Variants in TMEM132D observed in about 807,000 individuals in gnomAD.
TMEM132D encodes transmembrane protein 132D, also known as mature OL transmembrane protein.
In TMEM132D, 21 loss-of-function variants were observed where a neutral mutation model predicts 62.3. The ratio of observed to expected loss-of-function variants is 0.34; its 90% confidence interval spans 0.24 to 0.49. TMEM132D has a LOEUF of 0.49. Among genes scored for constraint, TMEM132D ranks in the 20% least tolerant of loss-of-function variants. The pLI is 0.99. For synonymous variants in TMEM132D, 621 were observed against 575.6 expected (o/e 1.08, Z -1.13); for missense variants, 1,346 against 1,402.8 (o/e 0.96, Z 0.65).
chr12:129,137,044 T>C (rs1355313096), intron 5 of TMEM132D, among the ~76,000 whole-genome samples: 1 of 145,626 alleles, frequency 6.9e-6, no homozygotes, highest in Non-Finnish European at 1.5e-5. Flanking sequence ...AACACCATCA[T>C]CCCATCATCG....
chr12:129,141,530 TC>T (rs1876740810), intron 5 of TMEM132D, among the ~76,000 whole-genome samples: 1 of 152,180 alleles, frequency 6.6e-6, no homozygotes, highest in Non-Finnish European at 1.5e-5. Context: ...CCAGGAAGGT[TC>T]CTTGGGGGAG....
At chr12:129,216,469 A>G (rs542210465) in intron 4 of TMEM132D, among the ~76,000 whole-genome samples, 32 of 152,348 alleles carry the variant, frequency 2.1e-4, no homozygotes, top group South Asian at 6.2e-4. Context: ...AGGATGGCAC[A>G]GGAAGATGGA....
rs143101059 is a variant in TMEM132D, at chr12:129,241,367, C to T, written c.1300-31704G>A. Among the ~76,000 whole-genome samples the T allele has an allele frequency of 2.4e-4, 37 of 152,208 alleles. 1 individual carries two copies. The highest frequency in any genetic ancestry group is 7.9e-4 in the African/African-American group (33 of 41,526). ...GGAACGGCAAAATTCTTCCATGAGA[C>T]CCTGAATGACACATATGTTTCGCTC... On this transcript the variant is annotated intron_variant, in intron 4 of 8. Coordinates refer to ENST00000422113, the MANE Select transcript of TMEM132D (RefSeq NM_133448.3).
chr12:129,874,941 T>C (rs1249594904), intron 1 of TMEM132D, among the ~76,000 whole-genome samples: 3 of 152,184 alleles, frequency 2.0e-5, no homozygotes, highest in Non-Finnish European at 4.4e-5. Flanking sequence ...CCTCCCAAAG[T>C]GCTGGGATTA....
In TMEM132D at chr12:129,089,444, GGGGTGTCCTCTATGACC is replaced by G. The variant is rs1565960491; in HGVS notation, c.1444-4759_1444-4743del. ...CATGACCGGGGTGTCCTCCATGACC[GGGGTGTCCTCTATGACC>G]GGGTGTCCTCCATGACCGGGTGTCC... is the stretch of plus-strand genomic sequence containing the variant. On this transcript the variant is annotated intron_variant, in intron 5 of 8. Coordinates refer to ENST00000422113, the MANE Select transcript of TMEM132D (RefSeq NM_133448.3). Among the ~76,000 whole-genome samples the G allele has an allele frequency of 2.3e-3, 135 of 57,688 alleles. 37 individuals are homozygous for G. Among genetic ancestry groups the G allele is most frequent in the African/African-American group, 0.011 (113 of 9,916 alleles). 37.8% of individuals were successfully genotyped at this position (57,688 alleles called of 152,430 possible). A position where few individuals can be genotyped will look rare whatever the true frequency, so the allele number is the denominator to read the frequency against.
chr12:129,590,340 C>T lies in TMEM132D; in HGVS notation c.969-59135G>A, dbSNP rs184816615. ...ACACCGCCACGGCTGGAACAGATCGCTGCAGCAGGCTTGCCTCCACCAAGT... is the reference window on the plus strand; with the variant it reads ...ACACCGCCACGGCTGGAACAGATCGTTGCAGCAGGCTTGCCTCCACCAAGT... On this transcript the variant is annotated intron_variant, in intron 2 of 8. Transcript: ENST00000422113. Among the ~76,000 whole-genome samples, 647 of 152,364 alleles carry T rather than the reference C, an allele frequency of 4.2e-3. 5 individuals carry two copies. The highest frequency in any genetic ancestry group is 6.5e-3 in the Non-Finnish European group (444 of 68,034).
At chr12:129,699,721 C>T (rs1356094729) in intron 2 of TMEM132D, 89 bp downstream of exon 2, 15 of 1,516,580 alleles carry the variant, frequency 9.9e-6, no homozygotes, top group African/African-American at 9.6e-5. Context: ...CTTCGGTGAG[C>T]GATAACACAG....
intron 2 of TMEM132D, among the ~76,000 whole-genome samples, chr12:129,584,486 C>T (rs929936116): frequency 2.0e-5 from 3 of 152,180 alleles, no homozygotes; most frequent in Non-Finnish European, 2.9e-5. Context: ...GGAGTTACTC[C>T]CCCTCCCTTT....
intron 2 of TMEM132D, among the ~76,000 whole-genome samples, chr12:129,615,061 T>C (rs1878877623): frequency 6.6e-6 from 1 of 152,174 alleles, no homozygotes; most frequent in African/African-American, 2.4e-5. Flanking sequence ...CAATGTTACC[T>C]AACAGCGTAT....
intron 4 of TMEM132D, among the ~76,000 whole-genome samples, chr12:129,260,125 G>T (rs528962012): frequency 1.3e-5 from 2 of 152,270 alleles, no homozygotes; most frequent in East Asian, 3.9e-4. Context: ...TACCACAGAG[G>T]CTTGGGACAC....
intron 3 of TMEM132D, among the ~76,000 whole-genome samples, chr12:129,444,187 G>T (rs931862571): frequency 7.2e-5 from 11 of 152,252 alleles, no homozygotes; most frequent in African/African-American, 2.6e-4. Context: ...GTACCATTCA[G>T]GACATAGGCA....
At chr12:129,166,994 TC>T (rs1488179145) in intron 5 of TMEM132D, among the ~76,000 whole-genome samples, 8 of 151,724 alleles carry the variant, frequency 5.3e-5, no homozygotes, top group Non-Finnish European at 8.8e-5. Flanking sequence ...CAAAACCCTG[TC>T]TCTACTGAAA....
chr12:129,592,452 G>T (rs1174928955), intron 2 of TMEM132D, among the ~76,000 whole-genome samples: 1 of 152,124 alleles, frequency 6.6e-6, no homozygotes, highest in East Asian at 1.9e-4. Context: ...ATAGAATTTG[G>T]CAATCTCTTT....
intron 3 of TMEM132D, among the ~76,000 whole-genome samples, chr12:129,395,744 T>G (rs951182774): frequency 2.7e-5 from 4 of 149,292 alleles, no homozygotes; most frequent in Non-Finnish European, 4.4e-5. Context: ...TAGATATCTA[T>G]ATATCTATAG....
chr12:129,187,599 G>T (rs996220266), intron 5 of TMEM132D, among the ~76,000 whole-genome samples: 2 of 114,708 alleles, frequency 1.7e-5, no homozygotes, highest in Non-Finnish European at 3.9e-5. Context: ...AATGGACCCA[G>T]CTGTGCAATG....
At chr12:129,368,759 C>T (rs1192298646) in intron 3 of TMEM132D, among the ~76,000 whole-genome samples, 2 of 149,588 alleles carry the variant, frequency 1.3e-5, no homozygotes, top group Admixed American at 6.7e-5. Context: ...AGTTGTCAAC[C>T]TTTCCACCAA....
chr12:129,611,988 G>A (rs1878787812), intron 2 of TMEM132D, among the ~76,000 whole-genome samples: 1 of 152,136 alleles, frequency 6.6e-6, no homozygotes, highest in South Asian at 2.1e-4. Flanking sequence ...ACTGGGCCGT[G>A]GCCGGTCGCA....
At chr12:129,342,488 G>A (rs1869528188) in intron 3 of TMEM132D, among the ~76,000 whole-genome samples, 1 of 151,872 alleles carries the variant, frequency 6.6e-6, no homozygotes, top group African/African-American at 2.4e-5. Context: ...GAAAACCTAG[G>A]CAATACCATT....
intron 1 of TMEM132D, among the ~76,000 whole-genome samples, chr12:129,881,570 G>T (rs1874596769): frequency 6.6e-6 from 1 of 151,872 alleles, no homozygotes; most frequent in African/African-American, 2.4e-5. Context: ...CCAAACATCT[G>T]AAAATTTATG....
Sources: allele counts gnomAD v4.1 joint callset (sites outside exome capture counted in the v4.1 genomes callset), GRCh38; gene constraint gnomAD v4.1.1; transcripts MANE v1.5; gene names NCBI Gene and HGNC (gene_info 2026-07-23, HGNC 2026-07-21).